The following SIK3 variants were observed in gnomAD, a reference collection of about 807,000 sequenced individuals.
SIK3 encodes the protein serine/threonine-protein kinase SIK3.
SIK3 carries 28 observed loss-of-function variants against 144.2 expected under a neutral mutation model. The ratio of observed to expected loss-of-function variants is 0.19; its 90% confidence interval spans 0.14 to 0.27. The LOEUF is 0.27. SIK3 is among the 10% of genes least tolerant of loss of function. SIK3 has a pLI of 1.00. For synonymous variants in SIK3, 686 were observed against 676.3 expected, an observed-to-expected ratio of 1.01 and a Z score of -0.22; for missense variants, 1,319 against 1,776.0, an observed-to-expected ratio of 0.74 and a Z score of 4.62.
intron 1 of SIK3, among the ~76,000 whole-genome samples, chr11:117,001,839 T>A (rs1003652302): frequency 1.3e-5 from 2 of 152,182 alleles, no homozygotes; most frequent in African/African-American, 4.8e-5. Flanking sequence ...TCTCCCTACC[T>A]TCAGTCCACC....
chr11:117,005,019 G>C (rs1950989019), intron 1 of SIK3, among the ~76,000 whole-genome samples: 1 of 152,182 alleles, frequency 6.6e-6, no homozygotes, highest in African/African-American at 2.4e-5. Flanking sequence ...GGCACAGCCA[G>C]GCAGGATTAG....
chr11:117,078,413 C>A (rs1954643903), intron 1 of SIK3, among the ~76,000 whole-genome samples: 2 of 144,522 alleles, frequency 1.4e-5, no homozygotes, highest in South Asian at 2.1e-4. Context: ...CTGCATAACA[C>A]CTTTTTTTTT....
At chr11:117,013,060 A>G (rs61905705) in intron 1 of SIK3, among the ~76,000 whole-genome samples, 1 of 151,880 alleles carries the variant, frequency 6.6e-6, no homozygotes, top group Non-Finnish European at 1.5e-5. Flanking sequence ...AACCTACAGA[A>G]GAGCCCTTAA....
At chr11:116,973,868 A>T (rs1433281696) in intron 1 of SIK3, among the ~76,000 whole-genome samples, 1 of 152,196 alleles carries the variant, frequency 6.6e-6, no homozygotes, top group Non-Finnish European at 1.5e-5. Context: ...AGGTCATCAA[A>T]AACAAGAAAA....
intron 16 of SIK3, 149 bp downstream of exon 16, chr11:116,863,519 G>T: frequency 8.4e-7 from 1 of 1,191,026 alleles, no homozygotes; most frequent in Non-Finnish European, 1.2e-6. Flanking sequence ...GGGATCCACT[G>T]CGCCCGGCCC....
intron 4 of SIK3, among the ~76,000 whole-genome samples, chr11:116,902,303 AG>A (rs1945776401): frequency 6.6e-6 from 1 of 152,246 alleles, no homozygotes; most frequent in South Asian, 2.1e-4. Flanking sequence ...ACTAATGTTT[AG>A]TAACCTTTCT....
intron 1 of SIK3, among the ~76,000 whole-genome samples, chr11:117,038,434 AC>A: frequency 2.0e-5 from 3 of 147,524 alleles, no homozygotes; most frequent in Non-Finnish European, 4.5e-5. Flanking sequence ...TCGGCTCACC[AC>A]AGCCTCTGCC....
chr11:116,997,464 T>C (rs1184481954), intron 1 of SIK3, among the ~76,000 whole-genome samples: 1 of 152,234 alleles, frequency 6.6e-6, no homozygotes, highest in Non-Finnish European at 1.5e-5. Flanking sequence ...AACACTTTAT[T>C]CAGTATTATA....
Position 116,935,456 on chromosome 11 carries a change from C to T in SIK3, c.455-8076G>A, listed in dbSNP as rs534950390. 3.9e-5 allele frequency among the ~76,000 whole-genome samples: 6 copies of T among 152,166 alleles called. No homozygotes were observed. In the South Asian group the frequency reaches 6.2e-4, roughly 16 times the overall value. ...GTTGTCTTCATAAAAAACATGCCAT[C>T]CTTTTCATATCAAGTCCATTCACAG... On this transcript the variant is annotated intron_variant, in intron 3 of 24. Transcript: ENST00000445177.
intron 22 of SIK3, among the ~76,000 whole-genome samples, chr11:116,848,193 C>T (rs1438368032): frequency 1.4e-5 from 1 of 71,608 alleles, no homozygotes; most frequent in Admixed American, 1.3e-4. Context: ...TTTAGCTCTA[C>T]TAAAAATACA....
intron 2 of SIK3, 59 bp downstream of exon 2, chr11:116,956,889 G>T: frequency 3.9e-6 from 4 of 1,021,714 alleles, no homozygotes; most frequent in Non-Finnish European, 5.6e-6. Context: ...TTCAAAGGGA[G>T]CCATACATAC....
chr11:117,004,348 C>CTACAAAAAA (rs1271644401), intron 1 of SIK3, among the ~76,000 whole-genome samples: 1 of 152,080 alleles, frequency 6.6e-6, no homozygotes, highest in Non-Finnish European at 1.5e-5. Context: ...AACCCCATCT[C>CTACAAAAAA]TACAAAAAAT....
intron 15 of SIK3, chr11:116,864,816 G>T (rs1292846076): frequency 2.0e-5 from 3 of 152,300 alleles, no homozygotes; most frequent in African/African-American, 7.2e-5. Context: ...ATTTGGGACT[G>T]AAGCAGAACC....
intron 1 of SIK3, among the ~76,000 whole-genome samples, chr11:117,052,862 C>T (rs1400890425): frequency 6.6e-6 from 1 of 152,236 alleles, no homozygotes; most frequent in African/African-American, 2.4e-5. Context: ...GAAAGCAATA[C>T]TTTCCAGATG....
Position 116,861,905 on chromosome 11 carries a change from G to C in SIK3, c.2251C>G (p.Pro751Ala), listed in dbSNP as rs1943351515. 2 of 1,611,088 alleles carry C rather than the reference G, an allele frequency of 1.2e-6. No homozygotes were observed. The highest frequency in any genetic ancestry group is 1.7e-6 in the Non-Finnish European group (2 of 1,178,878). ...CATGCAGCCTGAAGAGGTGGAGATG[G>C]CTGAGGAGGACAGATAGAGTCCTAA... ...QIQDSICPPQPSPPLQAACEN... is the reference protein window; with the variant it reads ...QIQDSICPPQASPPLQAACEN... The change falls in exon 18 of 25, where the codon CCA (proline) becomes GCA (alanine). Residue 751 changes from proline to alanine, a missense_variant. Pro to Ala is a conservative substitution (Grantham distance 27, BLOSUM62 -1). Around this residue, in one of 8 missense-constraint regions of SIK3, gnomAD observed 77 missense variants for 141.9 expected, o/e 0.54. Coordinates refer to ENST00000445177, the MANE Select transcript of SIK3 (RefSeq NM_001366686.3).
In SIK3 at chr11:116,900,728, T is replaced by C. The variant is rs184271307; in HGVS notation, c.617-3411A>G. On this transcript the variant is annotated intron_variant, in intron 4 of 24. Transcript: ENST00000445177. ...TTTCAAGGCCCAGTCAAATATTACT[T>C]CCTGTATGAAGGCTTAACTGATTTC... is the stretch of plus-strand genomic sequence containing the variant. Among the ~76,000 whole-genome samples the C allele has an allele frequency of 1.1e-3, 166 of 152,312 alleles. 1 individual carries two copies. Among genetic ancestry groups the C allele is most frequent in the African/African-American group, 3.3e-3 (136 of 41,558 alleles).
chr11:116,855,459 G>A (rs1006832116), intron 21 of SIK3: 9 of 152,200 alleles, frequency 5.9e-5, no homozygotes, highest in African/African-American at 1.4e-4. Flanking sequence ...CCGAAGAAGG[G>A]GTCCTCTGAC....
chr11:116,931,872 C>G (rs2135174583), intron 3 of SIK3, among the ~76,000 whole-genome samples: 1 of 152,280 alleles, frequency 6.6e-6, no homozygotes, highest in African/African-American at 2.4e-5. Context: ...TCCTATTGTC[C>G]TCTAACTCCC....
At chr11:117,011,318 G>T (rs1397744161) in intron 1 of SIK3, among the ~76,000 whole-genome samples, 1 of 152,034 alleles carries the variant, frequency 6.6e-6, no homozygotes, top group Non-Finnish European at 1.5e-5. Context: ...GAGTGAGAAG[G>T]GGTAATAAAA....
Sources: gnomAD v4.1 joint callset for allele counts (sites outside exome capture counted in the v4.1 genomes callset) on GRCh38, gnomAD v4.1.1 for gene constraint, gnomAD v4.1.1 regional missense constraint, MANE v1.5 for transcripts, NCBI Gene and HGNC (gene_info 2026-07-23, HGNC 2026-07-21) for gene names.